RAG1: variants seen among roughly 807,000 people sequenced by gnomAD.
RAG1 encodes recombination activating 1.
A neutral mutation model predicts 62.7 loss-of-function variants in RAG1; 35 were observed. That is an observed-to-expected ratio of 0.56 (90% CI 0.43 to 0.74). RAG1 has a LOEUF of 0.74. Ranked by LOEUF, RAG1 falls within the 30% of genes least tolerant of loss-of-function variation. The probability of loss-of-function intolerance (pLI) is 0.00; values close to 1 mark genes in which losing one functional copy is unlikely to be tolerated. For synonymous variants in RAG1, 461 were observed against 470.3 expected, an observed-to-expected ratio of 0.98 and a Z score of 0.26; for missense variants, 1,169 against 1,278.6, an observed-to-expected ratio of 0.91 and a Z score of 1.31.
intron 3 of RAG1, among the ~76,000 whole-genome samples, chr11:36,547,243 T>C (rs1229753093): frequency 2.6e-5 from 4 of 151,896 alleles, no homozygotes; most frequent in Admixed American, 2.0e-4. Flanking sequence ...ACAAACAAAT[T>C]CAAAAGTTAG....
chr11:36,527,070 A>G (rs1231659222), intron 2 of RAG1, among the ~76,000 whole-genome samples: 1 of 152,178 alleles, frequency 6.6e-6, no homozygotes, highest in Admixed American at 6.5e-5. Flanking sequence ...TTTGGTGTGC[A>G]GAATCTCTTT....
chr11:36,567,963 G>A (rs1258404625), upstream of RAG1: 1 of 152,270 alleles, frequency 6.6e-6, no homozygotes, highest in Non-Finnish European at 1.5e-5. Flanking sequence ...GGGAGGCTGG[G>A]AAGGACAGTG....
chr11:36,516,837 T>C lies in RAG1; in HGVS notation n.331-3295T>C, dbSNP rs138429790. ...ATAAATATTTATCTATGTTGGAGCA[T>C]GTGCCTTTGTTTGACTTTGCTACTT... On this transcript the variant is annotated intron_variant and non_coding_transcript_variant, in intron 1 of 2. Transcript: ENST00000529126. 9.2e-5 allele frequency among the ~76,000 whole-genome samples: 14 copies of C among 152,376 alleles called. No individual in the cohort carries two copies. In the East Asian group the frequency reaches 2.7e-3, roughly 29 times the overall value.
intron 3 of RAG1, among the ~76,000 whole-genome samples, chr11:36,549,628 A>G (rs1440483724): frequency 2.0e-5 from 3 of 152,216 alleles, no homozygotes; most frequent in African/African-American, 7.2e-5. Context: ...GATGCTGGAG[A>G]GGATGTGGAG....
chr11:36,571,678 G>C (rs1850747483), intron 1 of RAG1, among the ~76,000 whole-genome samples: 1 of 152,136 alleles, frequency 6.6e-6, no homozygotes, highest in Admixed American at 6.5e-5. Flanking sequence ...GCAGTGGCGT[G>C]ATCTTGGCCC....
chr11:36,574,580 G>T lies in RAG1; in HGVS notation c.1276G>T (p.Glu426Ter). Reference protein sequence around the residue: ...LQVKAFADKEEGGDVKSVCMT... With the variant: ...LQVKAFADKE ...AGTCAAAGCCTTTGCTGACAAAGAA[G>T]AAGGTGGAGATGTGAAGTCCGTGTG... The change falls in exon 2 of 2, where the codon GAA (glutamate) becomes TAA (stop). Residue 426 changes from glutamate to a stop codon, truncating the protein, a stop_gained. Coordinates refer to ENST00000299440, the MANE Select transcript of RAG1 (RefSeq NM_000448.3). LOFTEE classifies it high-confidence loss of function. The T allele has an allele frequency of 6.2e-7, 1 of 1,614,258 alleles. No individual in the cohort carries two copies.
chr11:36,512,938 C>T (rs570767995), intron 1 of RAG1, among the ~76,000 whole-genome samples: 3 of 152,144 alleles, frequency 2.0e-5, no homozygotes, highest in African/African-American at 7.2e-5. Flanking sequence ...AAATTTCATG[C>T]GTTGGAAACT....
At chr11:36,544,940 G>A (rs976866507) in intron 3 of RAG1, among the ~76,000 whole-genome samples, 9 of 152,174 alleles carry the variant, frequency 5.9e-5, no homozygotes, top group African/African-American at 1.2e-4. Context: ...CTCTTCAGCC[G>A]TGTGGAACTG....
chr11:36,574,441 C>T lies in RAG1; in HGVS notation c.1137C>T (p.His379=). Residue 379 remains histidine (H), a synonymous_variant, in exon 2 of 2, where the codon CAC becomes CAT. Transcript: ENST00000299440. ...LEKYNHHISS[H]KESKEIFVHI... ...AATATAATCACCACATCTCAAGTCA[C>T]AAGGAATCAAAAGAGATTTTTGTGC... 1.2e-6 allele frequency: 2 copies of T among 1,614,208 alleles called. No individual in the cohort carries two copies. Among genetic ancestry groups the T allele is most frequent in the Non-Finnish European group, 1.7e-6 (2 of 1,180,052 alleles).
At position 36,575,255 on chromosome 11, in the gene RAG1, T is replaced by C. The variant is rs900914896; in HGVS notation, c.1951T>C (p.Ser651Pro). The change falls in exon 2 of 2, where the codon TCT becomes CCT. Residue 651 changes from serine to proline, a missense_variant. Physicochemically the swap from Ser to Pro is moderately conservative, Grantham distance 74 (BLOSUM62 -1). This residue lies in a region of RAG1 where 800 missense variants were observed against 943.3 expected (regional missense o/e 0.85). Transcript: ENST00000299440. The surrounding 1 kb of genome is among the most constrained non-coding windows in gnomAD (Gnocchi z 4.1). ...AGTATTTGAAGAAGCCAAACCTAAC[T>C]CTGAACTGTGTTGCAAGCCATTGTG... ...VKVFEEAKPNSELCCKPLCLM... is the reference protein window; with the variant it reads ...VKVFEEAKPNPELCCKPLCLM... The C allele has an allele frequency of 6.2e-7, 1 of 1,614,184 alleles. No homozygotes were observed. Among genetic ancestry groups the C allele is most frequent in the Admixed American group, 1.7e-5 (1 of 60,016 alleles).
At chr11:36,545,914 T>A (rs1023536867) in intron 3 of RAG1, among the ~76,000 whole-genome samples, 7 of 152,226 alleles carry the variant, frequency 4.6e-5, no homozygotes, top group Admixed American at 1.3e-4. Context: ...AATGAGTTTC[T>A]TAATCCTGAG....
At chr11:36,569,311 G>A (rs4151004) in intron 1 of RAG1, among the ~76,000 whole-genome samples, 3,792 of 152,316 alleles carry the variant, frequency 0.025, 154 homozygotes, top group African/African-American at 0.085. Flanking sequence ...GGCAGTGGCC[G>A]GTGGGGACAG....
downstream of RAG1, among the ~76,000 whole-genome samples, chr11:36,539,341 T>C (rs1030399820): frequency 1.3e-5 from 2 of 152,194 alleles, no homozygotes; most frequent in Non-Finnish European, 1.5e-5. Flanking sequence ...CCTCTGGAAG[T>C]GTCAGAAATA....
chr11:36,536,651 ATAGG>A (rs1372385194), downstream of RAG1, among the ~76,000 whole-genome samples: 1 of 151,768 alleles, frequency 6.6e-6, no homozygotes, highest in East Asian at 1.9e-4. Flanking sequence ...GAAAAATAGC[ATAGG>A]TAGGTGAAAG....
intron 3 of RAG1, among the ~76,000 whole-genome samples, chr11:36,549,570 A>G (rs1285074218): frequency 6.6e-6 from 1 of 152,242 alleles, no homozygotes; most frequent in African/African-American, 2.4e-5. Flanking sequence ...ATAAGATACC[A>G]TCTCACACCA....
chr11:36,574,720 C>A lies in RAG1; in HGVS notation c.1416C>A (p.Ala472=). 6.2e-7 allele frequency: 1 copy of A among 1,614,210 alleles called. No individual in the cohort carries two copies. Among genetic ancestry groups the A allele is most frequent in the Non-Finnish European group, 8.5e-7 (1 of 1,180,046 alleles). Residue 472 remains alanine, a synonymous_variant, in exon 2 of 2, where the codon GCC becomes GCA. Coordinates refer to ENST00000299440, the MANE Select transcript of RAG1 (RefSeq NM_000448.3). Reference sequence around the variant, plus strand: ...GCCTGCAGCCAGCTGTTTGCTTGGCCATCCGTGTCAACACCTTCCTCAGCT... The same window carrying A: ...GCCTGCAGCCAGCTGTTTGCTTGGCAATCCGTGTCAACACCTTCCTCAGCT... ...GSGLQPAVCL[A]IRVNTFLSCS... is the part of the protein sequence containing the mutation.
chr11:36,566,488 G>A (rs1850663965), upstream of RAG1: 1 of 152,276 alleles, frequency 6.6e-6, no homozygotes, highest in South Asian at 2.1e-4. Context: ...CTTCCTGTAA[G>A]TCCATTGGAG....
chr11:36,519,330 A>G (rs1860042834), intron 1 of RAG1, among the ~76,000 whole-genome samples: 1 of 152,230 alleles, frequency 6.6e-6, no homozygotes, highest in African/African-American at 2.4e-5. Flanking sequence ...GAGGAAATAA[A>G]ATATTAGACA....
chr11:36,573,348 C>T lies in RAG1; in HGVS notation c.44C>T (p.Pro15Leu). 4 of 1,614,180 alleles carry T rather than the reference C, an allele frequency of 2.5e-6. No homozygotes were observed. The highest frequency in any genetic ancestry group is 3.4e-6 in the Non-Finnish European group (4 of 1,180,026). The change falls in exon 2 of 2, where the codon CCA becomes CTA. Residue 15 changes from proline to leucine, a missense_variant. This residue lies in a region of RAG1 where 369 missense variants were observed against 335.3 expected (regional missense o/e 1.10). Transcript: ENST00000299440. ...CCCACCTTGGGACTCAGTTCTGCCC[C>T]AGATGAAATTCAGCACCCACATATT... is the stretch of plus-strand genomic sequence containing the variant. ...FPPTLGLSSA[P>L]DEIQHPHIKF...
Sources: gnomAD v4.1 joint callset for allele counts (sites outside exome capture counted in the v4.1 genomes callset) on GRCh38, gnomAD v4.1.1 for gene constraint, gnomAD v4.1.1 regional missense constraint, Gnocchi (gnomAD v3.1) non-coding constraint, MANE v1.5 for transcripts, NCBI Gene and HGNC (gene_info 2026-07-23, HGNC 2026-07-21) for gene names.